Variants in PLCD1 observed in about 807,000 individuals in gnomAD.
The protein encoded by PLCD1 is phospholipase C delta 1, also known as 1-phosphatidylinositol 4,5-bisphosphate phosphodiesterase delta-1.
Under a neutral mutation model 87.4 loss-of-function variants are expected in PLCD1, and 71 were observed. The observed-to-expected ratio is 0.81, with a 90% CI of 0.67 to 0.99. The LOEUF (loss-of-function observed/expected upper bound fraction) is 0.99. Among genes scored for constraint, PLCD1 ranks in the 50% least tolerant of loss-of-function variants. PLCD1 has a pLI of 0.00. For missense variants in PLCD1, 867 were observed against 1,001.5 expected (o/e 0.87, Z 1.81); for synonymous variants, 348 against 399.2 (o/e 0.87, Z 1.53).
rs143935807 is a variant in PLCD1, at chr3:38,008,284, G to A, written c.1986C>T (p.Gly662=). The A allele has an allele frequency of 1.6e-5, 26 of 1,614,038 alleles. No homozygotes were observed. In the East Asian group the frequency reaches 3.6e-4, roughly 22 times the overall value. The change falls in exon 13 of 15, where the codon GGC becomes GGT. Residue 662 remains glycine (G), a synonymous_variant. Transcript: ENST00000334661. ...VDPKVTVEIH[G]VSRDVASRQT... is the part of the protein sequence containing the mutation. ...GGCGGCTGGCCACGTCCCGGCTCAC[G>A]CCATGGATCTCCACTGTCACTTTGG...
rs1478335640 is a variant in PLCD1, at chr3:38,011,198, C to G, written c.790+16G>C. On this transcript the variant is annotated intron_variant, in intron 5 of 14. Coordinates refer to ENST00000334661, the MANE Select transcript of PLCD1 (RefSeq NM_006225.4). ...GCCCTGCGACTGCAGGTAGCAGGCC[C>G]TGGTCAGGCTCTCACCAGTCTCGCT... 6.3e-7 allele frequency: 1 copy of G among 1,593,346 alleles called. No individual in the cohort carries two copies. Among genetic ancestry groups the G allele is most frequent in the East Asian group, 2.2e-5 (1 of 44,728 alleles).
Position 38,011,350 on chromosome 3 carries a change from G to A in PLCD1, c.654C>T (p.Phe218=), listed in dbSNP as rs143713953. 3.1e-6 allele frequency: 5 copies of A among 1,612,696 alleles called. No homozygotes were observed. The African/African-American group carries it at 5.3e-5, about 17-fold the overall frequency. ...LTQRVEIDRT[F]AEAAGSGETL... The stretch of plus-strand genomic sequence containing the variant: ...TCTCCCCTGAGCCCGCGGCCTCGGC[G>A]AAGGTGCGGTCGATCTCCACCCGCT... Residue 218 remains phenylalanine, a synonymous_variant, in exon 5 of 15, where the codon TTC becomes TTT. Transcript: ENST00000334661.
Position 38,016,725 on chromosome 3 carries a change from A to C in PLCD1, c.200-6T>G. The C allele has an allele frequency of 6.5e-7, 1 of 1,541,654 alleles. No homozygotes were observed. Among genetic ancestry groups the C allele is most frequent in the Non-Finnish European group, 8.8e-7 (1 of 1,137,050 alleles). The stretch of plus-strand genomic sequence containing the variant: ...CTGAATGTCCTCGATGGAGACTGCG[A>C]GAGGGGGATGGTGGAGGAGAGAGGG... On this transcript the variant is annotated splice_polypyrimidine_tract_variant and splice_region_variant and intron_variant, in intron 2 of 14. Coordinates refer to ENST00000334661, the MANE Select transcript of PLCD1 (RefSeq NM_006225.4).
Position 38,008,377 on chromosome 3 carries a change from G to A in PLCD1, c.1903-10C>T. 2.5e-6 allele frequency: 4 copies of A among 1,614,240 alleles called. No individual in the cohort carries two copies. The highest frequency in any genetic ancestry group is 1.1e-5 in the South Asian group (1 of 91,090). ...GCTGCCCCGAAATGACCTGAGGAAA[G>A]GCAGAGGACAATGGACAGTTCAGGA... On this transcript the variant is annotated splice_polypyrimidine_tract_variant and intron_variant, in intron 12 of 14. Transcript: ENST00000334661.
chr3:38,011,706 C>A (rs764075271), intron 3 of PLCD1, 33 bp from the exon 4 acceptor site: 2 of 1,613,334 alleles, frequency 1.2e-6, no homozygotes, highest in Non-Finnish European at 1.7e-6. Context: ...ACCCAGGAAC[C>A]CTGGAACCTA....
At chr3:38,014,374 A>G (rs1700124719) in intron 3 of PLCD1, among the ~76,000 whole-genome samples, 1 of 152,218 alleles carries the variant, frequency 6.6e-6, no homozygotes, top group Non-Finnish European at 1.5e-5. Context: ...GTGCAAGGAC[A>G]GACATATAGA....
At chr3:38,024,703 G>A (rs1279121041) in intron 1 of PLCD1, 2 of 1,479,816 alleles carry the variant, frequency 1.4e-6, no homozygotes, top group Non-Finnish European at 1.8e-6. Flanking sequence ...CGGGACCTAT[G>A]CCCCCTGAAG....
chr3:38,009,178 G>C lies in PLCD1; in HGVS notation c.1607-20C>G, dbSNP rs754431740. 1 of 1,612,952 alleles carries C rather than the reference G, an allele frequency of 6.2e-7. No homozygotes were observed. The highest frequency in any genetic ancestry group is 1.1e-5 in the South Asian group (1 of 91,032). Reference sequence around the variant, plus strand: ...CGTTTCCTGAGGGGAGGTGTGGTTCGGTCAGCAGTGGAGGCCTCCTGGTGA... The same window carrying C: ...CGTTTCCTGAGGGGAGGTGTGGTTCCGTCAGCAGTGGAGGCCTCCTGGTGA... On this transcript the variant is annotated intron_variant, in intron 10 of 14. Transcript: ENST00000334661.
In PLCD1 at chr3:38,017,141, G is replaced by A. The variant is rs1700170737; in HGVS notation, c.200-422C>T. On this transcript the variant is annotated intron_variant, in intron 2 of 14. Coordinates refer to ENST00000334661, the MANE Select transcript of PLCD1 (RefSeq NM_006225.4). The surrounding 1 kb of genome is among the most constrained non-coding windows in gnomAD (Gnocchi z 4.7). ...CGGACAGACCACTCTGGAGTGTGGGGCCCATGACAGAGAAGGGCCATGCAC... is the reference window on the plus strand; with the variant it reads ...CGGACAGACCACTCTGGAGTGTGGGACCCATGACAGAGAAGGGCCATGCAC... 6.6e-6 allele frequency among the ~76,000 whole-genome samples: 1 copy of A among 152,106 alleles called. No homozygotes were observed. The highest frequency in any genetic ancestry group is 1.5e-5 in the Non-Finnish European group (1 of 68,000).
At position 38,010,332 on chromosome 3, in the gene PLCD1, C is replaced by A. The variant is rs377748100; in HGVS notation, c.992+29G>T. Reference sequence around the variant, plus strand: ...GGTCCTGTCCCGGGTCCCACCCAGACTCCCGACCCAAGGCTCCCTGAGCAG... The same window carrying A: ...GGTCCTGTCCCGGGTCCCACCCAGAATCCCGACCCAAGGCTCCCTGAGCAG... On this transcript the variant is annotated intron_variant, in intron 6 of 14. Coordinates refer to ENST00000334661, the MANE Select transcript of PLCD1 (RefSeq NM_006225.4). 43 of 1,614,082 alleles carry A rather than the reference C, an allele frequency of 2.7e-5. No individual in the cohort carries two copies. The Middle Eastern group carries it at 6.6e-4, about 25-fold the overall frequency.
At chr3:38,019,224 A>T (rs752664484) in intron 2 of PLCD1, among the ~76,000 whole-genome samples, 23 of 152,188 alleles carry the variant, frequency 1.5e-4, no homozygotes, top group Non-Finnish European at 3.2e-4. Context: ...GGGCCTGGCT[A>T]TGTGAAACCC....
intron 3 of PLCD1, among the ~76,000 whole-genome samples, chr3:38,016,018 T>C (rs755581116): frequency 6.6e-6 from 1 of 152,180 alleles, no homozygotes; most frequent in Admixed American, 6.5e-5. Context: ...GCTTCATGTA[T>C]CTTCCCTCCT....
chr3:38,022,980 C>T (rs995025866), intron 1 of PLCD1, among the ~76,000 whole-genome samples: 26 of 152,034 alleles, frequency 1.7e-4, no homozygotes, highest in African/African-American at 6.0e-4. Flanking sequence ...AATCTAAGAG[C>T]TTCTCCTCCT....
rs1488375575 is a variant in PLCD1 at position 38,025,669 on chromosome 3, G to A, written c.34+3837C>T. On this transcript the variant is annotated intron_variant, in intron 1 of 14. Coordinates refer to ENST00000334661, the MANE Select transcript of PLCD1 (RefSeq NM_006225.4). The surrounding 1 kb of genome is among the most constrained non-coding windows in gnomAD (Gnocchi z 4.0). ...CCCAGGGTGGCTTTCATAAATACAT[G>A]AGAACGACTGTAACTTTGCACAAAA... Among the ~76,000 whole-genome samples, 1 of 152,180 alleles carries A rather than the reference G, an allele frequency of 6.6e-6. No homozygotes were observed.
At chr3:38,024,811 T>A (rs1391195142) in intron 1 of PLCD1, 4 of 1,130,570 alleles carry the variant, frequency 3.5e-6, no homozygotes, top group Non-Finnish European at 4.6e-6. Context: ...GAGGGCAGAG[T>A]CAGACCCCAA....
chr3:38,013,224 T>C (rs1700108938), intron 3 of PLCD1, among the ~76,000 whole-genome samples: 1 of 146,936 alleles, frequency 6.8e-6, no homozygotes, highest in South Asian at 2.2e-4. Context: ...TTTTTTTTTT[T>C]TTTCCTGAGA....
rs911446270 is a variant in PLCD1, at chr3:38,008,049, C to T, written c.2150G>A (p.Gly717Asp). The change falls in exon 14 of 15, where the codon GGC becomes GAC. Residue 717 changes from glycine (G) to aspartate (D), a missense_variant. Gly to Asp is a moderately conservative substitution (Grantham distance 94). Coordinates refer to ENST00000334661, the MANE Select transcript of PLCD1 (RefSeq NM_006225.4). ...GCTGTTCAAGGGGATGGTACTCTGG[C>T]CAATGAAGTCATTCTTGGAGGAGGC... is the stretch of plus-strand genomic sequence containing the variant. The part of the protein sequence containing the change: ...YDASSKNDFI[G>D]QSTIPLNSLK... 1 of 1,614,230 alleles carries T rather than the reference C, an allele frequency of 6.2e-7. No homozygotes were observed.
At position 38,016,598 on chromosome 3, in the gene PLCD1, TG is replaced by T; in HGVS notation, c.320del (p.Thr107AsnfsTer2). On this transcript the variant is annotated frameshift_variant, in exon 3 of 15. Transcript: ENST00000334661. LOFTEE classifies it high-confidence loss of function. ...CTGGCGATGGGGCGATGAGGTCTAG[TG>T]TATTGCGCTGGTCCTTGAAGACAAT... ...FSIVFKDQRN[T>X]LDLIAPSPAD... 1 of 1,613,666 alleles carries T rather than the reference TG, an allele frequency of 6.2e-7. No individual in the cohort carries two copies. The highest frequency in any genetic ancestry group is 1.1e-5 in the South Asian group (1 of 90,968).
intron 1 of PLCD1, among the ~76,000 whole-genome samples, chr3:38,024,942 G>T (rs1029649252): frequency 6.6e-6 from 1 of 152,094 alleles, no homozygotes; most frequent in Non-Finnish European, 1.5e-5. Context: ...CCGAGGAGGT[G>T]CCGGGCCCCG....
Sources: allele counts gnomAD v4.1 joint callset (sites outside exome capture counted in the v4.1 genomes callset), GRCh38; gene constraint gnomAD v4.1.1; non-coding constraint Gnocchi (gnomAD v3.1); transcripts MANE v1.5; gene names NCBI Gene and HGNC (gene_info 2026-07-23, HGNC 2026-07-21).